KLHL12: variants seen among roughly 807,000 people sequenced by gnomAD.
The protein encoded by KLHL12 is kelch-like protein 12.
In KLHL12, 17 loss-of-function variants were observed where a neutral mutation model predicts 60.8. The ratio of observed to expected loss-of-function variants is 0.28; its 90% CI spans 0.19 to 0.42. The LOEUF (loss-of-function observed/expected upper bound fraction) is 0.42. KLHL12 is among the 10% of genes least tolerant of loss of function. The probability of loss-of-function intolerance (pLI) is 1.00; values close to 1 mark genes in which losing one functional copy is unlikely to be tolerated. For synonymous variants in KLHL12, 220 were observed against 250.9 expected (o/e 0.88, Z 1.16); for missense variants, 468 against 722.3 (o/e 0.65, Z 4.04).
At chr1:202,916,063 C>A (rs1660512231) in intron 4 of KLHL12, among the ~76,000 whole-genome samples, 1 of 152,194 alleles carries the variant, frequency 6.6e-6, no homozygotes. Flanking sequence ...TCAAGATATT[C>A]TAGTGAATTG....
At chr1:202,906,377 C>T (rs1332027490) in intron 6 of KLHL12, among the ~76,000 whole-genome samples, 4 of 145,900 alleles carry the variant, frequency 2.7e-5, no homozygotes, top group African/African-American at 1.0e-4. Context: ...ATCGCTTGAA[C>T]CCAGGAGACA....
intron 6 of KLHL12, among the ~76,000 whole-genome samples, chr1:202,903,629 C>CTT (rs1220119536): frequency 0.04 from 3,016 of 76,084 alleles, 441 homozygotes; most frequent in African/African-American, 0.13. Context: ...TTTTTCTTTT[C>CTT]TTTTTTTTTT....
At chr1:202,926,258 T>C (rs1653549302) in intron 1 of KLHL12, among the ~76,000 whole-genome samples, 1 of 152,210 alleles carries the variant, frequency 6.6e-6, no homozygotes, top group Non-Finnish European at 1.5e-5. Flanking sequence ...TGAATGTCCA[T>C]TACTGTTAAA....
intron 6 of KLHL12, among the ~76,000 whole-genome samples, chr1:202,905,476 G>A (rs1001396020): frequency 1.3e-5 from 2 of 152,310 alleles, no homozygotes; most frequent in East Asian, 3.9e-4. Flanking sequence ...AGTTACTAGA[G>A]TGAGTGTCGG....
chr1:202,920,317 A>C (rs75368350), intron 2 of KLHL12, among the ~76,000 whole-genome samples: 1,648 of 152,008 alleles, frequency 0.011, 24 homozygotes, highest in African/African-American at 0.037. Context: ...CCATTTCAAA[A>C]AAATAAAAAA....
chr1:202,914,943 G>A (rs1192552699), intron 4 of KLHL12: 6 of 151,700 alleles, frequency 4.0e-5, no homozygotes, highest in Non-Finnish European at 8.8e-5. Flanking sequence ...AACTGATTGT[G>A]GTCAACAGTT....
At chr1:202,906,282 G>C (rs1330845412) in intron 6 of KLHL12, among the ~76,000 whole-genome samples, 2 of 149,066 alleles carry the variant, frequency 1.3e-5, no homozygotes, top group African/African-American at 2.5e-5. Context: ...GTGAAACCCC[G>C]TCTCTACTAA....
chr1:202,922,039 G>A (rs1369491083), intron 2 of KLHL12, among the ~76,000 whole-genome samples: 1 of 152,016 alleles, frequency 6.6e-6, no homozygotes, highest in Non-Finnish European at 1.5e-5. Flanking sequence ...TAATAATTAT[G>A]GTACTGAAAT....
At chr1:202,925,975 C>T (rs769969524) in intron 1 of KLHL12, among the ~76,000 whole-genome samples, 2 of 151,668 alleles carry the variant, frequency 1.3e-5, no homozygotes, top group South Asian at 2.1e-4. Flanking sequence ...CGTGGTGATG[C>T]GCGCCTATAA....
intron 7 of KLHL12, among the ~76,000 whole-genome samples, chr1:202,896,576 T>G (rs7523420): frequency 0.025 from 3,832 of 152,256 alleles, 168 homozygotes; most frequent in African/African-American, 0.088. Flanking sequence ...ACCAATGAAA[T>G]GTGCTAGGAA....
chr1:202,911,034 G>C lies in KLHL12; in HGVS notation c.717+20C>G, dbSNP rs945010663. The C allele has an allele frequency of 2.5e-6, 4 of 1,612,520 alleles. No homozygotes were observed. In the African/African-American group the frequency reaches 4.0e-5, roughly 16 times the overall value. On this transcript the variant is annotated intron_variant, in intron 5 of 11. Coordinates refer to ENST00000367261, the MANE Select transcript of KLHL12 (RefSeq NM_021633.4). The stretch of plus-strand genomic sequence containing the variant: ...AGAGTCCGTCAAGGTTTTGGATCCT[G>C]AGAGTGTTGCACTACTTACCTCAGC...
intron 2 of KLHL12, 47 bp downstream of exon 2, chr1:202,924,921 C>G (rs1335962437): frequency 1.0e-5 from 16 of 1,579,170 alleles, no homozygotes; most frequent in Non-Finnish European, 1.4e-5. Context: ...AATTAGACAA[C>G]TAGAGTTCCA....
chr1:202,927,731 G>A (rs1653673944), upstream of KLHL12, among the ~76,000 whole-genome samples: 1 of 149,360 alleles, frequency 6.7e-6, no homozygotes, highest in South Asian at 2.1e-4. Flanking sequence ...TGTAATCCCG[G>A]CACTTTGGGA....
At position 202,896,737 on chromosome 1, in the gene KLHL12, T is replaced by A. The variant is rs1378704681; in HGVS notation, c.939+117A>T. ...ACCTACTATATGCACAAGACTGTTG[T>A]AAGAAACATCCTGTTATTAGGCTTT... On this transcript the variant is annotated intron_variant, in intron 7 of 11. Transcript: ENST00000367261. The A allele has an allele frequency of 3.8e-6, 3 of 798,492 alleles. No individual in the cohort carries two copies. The African/African-American group carries it at 5.1e-5, about 14-fold the overall frequency. The allele number at this position is 798,492 out of a possible 1,614,324, so 49.5% of individuals were successfully genotyped here. A position where few individuals can be genotyped will look rare whatever the true frequency, so the allele number is the denominator to read the frequency against.
rs147466780 is a variant in KLHL12, at chr1:202,894,509, G to A, written c.1294+82C>T. The A allele has an allele frequency of 2.1e-3, 2,985 of 1,419,396 alleles. 6 individuals are homozygous for A. Among genetic ancestry groups the A allele is most frequent in the Middle Eastern group, 7.2e-3 (37 of 5,168 alleles). 87.9% of individuals were successfully genotyped at this position (1,419,396 alleles called of 1,614,324 possible). On this transcript the variant is annotated intron_variant, in intron 9 of 11. Coordinates refer to ENST00000367261, the MANE Select transcript of KLHL12 (RefSeq NM_021633.4). ...TTTAGTTGAAGGGAAGTCTATGAAC[G>A]TCATTTTGGTAAAAAGGAATCCTTA...
intron 7 of KLHL12, among the ~76,000 whole-genome samples, chr1:202,896,272 G>A (rs185405309): frequency 6.2e-4 from 94 of 152,144 alleles, no homozygotes; most frequent in African/African-American, 2.0e-3. Flanking sequence ...CTGCAACCTC[G>A]AACTCCTGGG....
In KLHL12 at chr1:202,893,092, TAA is replaced by T; in HGVS notation, c.1580+145_1580+146del. On this transcript the variant is annotated intron_variant, in intron 11 of 11. Coordinates refer to ENST00000367261, the MANE Select transcript of KLHL12 (RefSeq NM_021633.4). This position sits in a 1 kb window ranked among gnomAD's most constrained non-coding sequence, Gnocchi z 4.1. ...AGAGCAATACTCTGTCTCTAAAAAA[TAA>T]AAAAAATCTAATAAAAAAAATCAAG... is the stretch of plus-strand genomic sequence containing the variant. 1 of 602,666 alleles carries T rather than the reference TAA, an allele frequency of 1.7e-6. No homozygotes were observed. The allele number at this position is 602,666 out of a possible 1,614,324, so 37.3% of individuals were successfully genotyped here.
intron 6 of KLHL12, 83 bp downstream of exon 6, chr1:202,908,925 TTA>T (rs1420512741): frequency 1.2e-6 from 1 of 855,232 alleles, no homozygotes; most frequent in Admixed American, 1.8e-5. Flanking sequence ...TCTGTACTTC[TTA>T]TAGAGTATTA....
intron 4 of KLHL12, chr1:202,912,137 T>C (rs959663820): frequency 2.3e-6 from 2 of 857,390 alleles, no homozygotes; most frequent in Admixed American, 3.4e-5. Flanking sequence ...AAAAAGATAT[T>C]TGTTGGCAGC....
Sources: allele counts gnomAD v4.1 joint callset (sites outside exome capture counted in the v4.1 genomes callset), GRCh38; gene constraint gnomAD v4.1.1; non-coding constraint Gnocchi (gnomAD v3.1); transcripts MANE v1.5; gene names NCBI Gene and HGNC (gene_info 2026-07-23, HGNC 2026-07-21).